The following SCAPER variants were observed in gnomAD, a reference collection of about 807,000 sequenced individuals.
SCAPER encodes S phase cyclin A-associated protein in the endoplasmic reticulum.
Under a neutral mutation model 182.2 loss-of-function variants are expected in SCAPER, and 98 were observed. That is an observed-to-expected ratio of 0.54 (90% CI 0.46 to 0.64). The LOEUF (loss-of-function observed/expected upper bound fraction) is 0.64. SCAPER is among the 30% of genes least tolerant of loss of function. The probability of loss-of-function intolerance (pLI) is 0.00; values close to 1 mark genes in which losing one functional copy is unlikely to be tolerated. For missense variants in SCAPER, 1,432 were observed against 1,690.0 expected (o/e 0.85, Z 2.68); for synonymous variants, 605 against 564.6 (o/e 1.07, Z -1.01).
At chr15:76,681,161 A>C (rs1484853953) in intron 20 of SCAPER, among the ~76,000 whole-genome samples, 2 of 152,208 alleles carry the variant, frequency 1.3e-5, no homozygotes, top group Non-Finnish European at 2.9e-5. Flanking sequence ...GAAATGTATG[A>C]TAGTTATACC....
chr15:76,616,522 G>C (rs747652712), intron 22 of SCAPER, among the ~76,000 whole-genome samples: 4 of 152,070 alleles, frequency 2.6e-5, no homozygotes, highest in Non-Finnish European at 5.9e-5. Context: ...TTTATAAGAT[G>C]AAAATAGTTC....
chr15:76,492,025 G>C (rs2052367015), intron 24 of SCAPER, among the ~76,000 whole-genome samples: 1 of 152,174 alleles, frequency 6.6e-6, no homozygotes, highest in Admixed American at 6.5e-5. Flanking sequence ...ATCTCTTCAT[G>C]TGCTTACTTG....
intron 29 of SCAPER, among the ~76,000 whole-genome samples, chr15:76,362,138 A>G (rs1440148813): frequency 6.6e-6 from 1 of 151,924 alleles, no homozygotes; most frequent in African/African-American, 2.4e-5. Flanking sequence ...ATACCCAGCT[A>G]ATTTTTGTAT....
chr15:76,788,213 A>G (rs867787991), intron 8 of SCAPER, among the ~76,000 whole-genome samples: 17 of 152,306 alleles, frequency 1.1e-4, no homozygotes, highest in Middle Eastern at 3.4e-3. Context: ...GGGATAGCAA[A>G]AAGTGTATGG....
chr15:76,397,008 T>G (rs1432902149), intron 27 of SCAPER, among the ~76,000 whole-genome samples: 1 of 95,252 alleles, frequency 1.0e-5, no homozygotes, highest in African/African-American at 7.3e-5. Flanking sequence ...TTTTTGAGAG[T>G]TTTTTTTTTT....
chr15:76,466,419 C>CTTTTTTTTTTTTTTTTTTTTTT lies in SCAPER; in HGVS notation c.3078+4771_3078+4792dup. 1.7e-3 allele frequency among the ~76,000 whole-genome samples: 62 copies of CTTTTTTTTTTTTTTTTTTTTTT among 37,406 alleles called. 2 individuals are homozygous for CTTTTTTTTTTTTTTTTTTTTTT. The highest frequency in any genetic ancestry group is 3.5e-3 in the East Asian group (3 of 856). 24.5% of individuals were successfully genotyped at this position (37,406 alleles called of 152,430 possible). ...TCAGTTCCAAAATTGGTTGGTTCTT[C>CTTTTTTTTTTTTTTTTTTTTTT]TTTTTTTTTTTTTTTTTTTTTTTGT... On this transcript the variant is annotated intron_variant, in intron 25 of 31. Coordinates refer to ENST00000563290, the MANE Select transcript of SCAPER (RefSeq NM_020843.4).
At chr15:76,540,219 A>C (rs1272561385) in intron 23 of SCAPER, among the ~76,000 whole-genome samples, 1 of 152,102 alleles carries the variant, frequency 6.6e-6, no homozygotes, top group African/African-American at 2.4e-5. Flanking sequence ...TGGGCAACAT[A>C]GCAAGACCCT....
intron 4 of SCAPER, among the ~76,000 whole-genome samples, chr15:76,850,427 A>G (rs562551567): frequency 6.6e-6 from 1 of 152,314 alleles, no homozygotes; most frequent in South Asian, 2.1e-4. Context: ...TTCCCTGGGA[A>G]GAGGCTCCCA....
chr15:76,884,132 G>T (rs1465059024), intron 1 of SCAPER, among the ~76,000 whole-genome samples: 2 of 152,054 alleles, frequency 1.3e-5, no homozygotes, highest in East Asian at 3.9e-4. Flanking sequence ...AACCCAGAGG[G>T]GTTCCAAACT....
chr15:76,382,728 C>G (rs529627492), intron 27 of SCAPER, among the ~76,000 whole-genome samples: 2 of 152,244 alleles, frequency 1.3e-5, no homozygotes, highest in South Asian at 4.1e-4. Context: ...GGCTGTTGAG[C>G]ATCACTCAGG....
At chr15:76,855,457 CAA>C (rs34226154) in intron 4 of SCAPER, among the ~76,000 whole-genome samples, 21 of 116,324 alleles carry the variant, frequency 1.8e-4, no homozygotes, top group African/African-American at 5.9e-4. Flanking sequence ...TTCTGCACAG[CAA>C]AAAAAAAAAA....
At chr15:76,412,297 A>C (rs1467701154) in intron 26 of SCAPER, among the ~76,000 whole-genome samples, 2 of 152,128 alleles carry the variant, frequency 1.3e-5, no homozygotes, top group Non-Finnish European at 2.9e-5. Flanking sequence ...AATCCGTAAG[A>C]TATTTAACAC....
intron 23 of SCAPER, among the ~76,000 whole-genome samples, chr15:76,549,065 C>T (rs1337735722): frequency 3.3e-5 from 5 of 151,176 alleles, no homozygotes; most frequent in South Asian, 2.1e-4. Context: ...GGGCTAATAT[C>T]CAGAATCTAC....
chr15:76,602,438 G>A (rs2049995344), intron 22 of SCAPER, among the ~76,000 whole-genome samples: 2 of 121,092 alleles, frequency 1.7e-5, no homozygotes, highest in Admixed American at 9.5e-5. Context: ...ATATAGGTAA[G>A]GTGTTTCTTT....
chr15:76,513,410 T>C (rs2042193850), intron 23 of SCAPER, among the ~76,000 whole-genome samples: 1 of 152,162 alleles, frequency 6.6e-6, no homozygotes, highest in Non-Finnish European at 1.5e-5. Flanking sequence ...TTTCTTCATC[T>C]CATGGGGACA....
At chr15:76,782,921 A>G (rs1450389739) in intron 8 of SCAPER, among the ~76,000 whole-genome samples, 2 of 152,224 alleles carry the variant, frequency 1.3e-5, no homozygotes, top group African/African-American at 4.8e-5. Context: ...TGCCCACAAG[A>G]GAAAGCAGGA....
chr15:76,352,472 T>C (rs1177885650), intron 30 of SCAPER, among the ~76,000 whole-genome samples: 1 of 132,752 alleles, frequency 7.5e-6, no homozygotes, highest in Non-Finnish European at 1.6e-5. Flanking sequence ...TTATCCATAA[T>C]GTATTTGTAT....
chr15:76,503,988 T>C (rs903285858), intron 24 of SCAPER, among the ~76,000 whole-genome samples: 1 of 151,980 alleles, frequency 6.6e-6, no homozygotes, highest in Non-Finnish European at 1.5e-5. Flanking sequence ...TGGGCTCTAG[T>C]GATCCTTCCT....
At chr15:76,502,109 C>A in intron 24 of SCAPER, among the ~76,000 whole-genome samples, 1 of 152,202 alleles carries the variant, frequency 6.6e-6, no homozygotes, top group Non-Finnish European at 1.5e-5. Context: ...GCCCACAGCT[C>A]TGGGTGCTAG....
Sources: allele counts gnomAD v4.1 joint callset (sites outside exome capture counted in the v4.1 genomes callset), GRCh38; gene constraint gnomAD v4.1.1; transcripts MANE v1.5; gene names NCBI Gene and HGNC (gene_info 2026-07-23, HGNC 2026-07-21).